Variants in ADAMTS2 observed in about 807,000 individuals in gnomAD.
ADAMTS2 encodes A disintegrin and metalloproteinase with thrombospondin motifs 2.
ADAMTS2 carries 50 observed loss-of-function variants against 123.0 expected under a neutral mutation model. The observed-to-expected ratio is 0.41, with a 90% CI of 0.32 to 0.51. The LOEUF is 0.51. Among genes scored for constraint, ADAMTS2 ranks in the 20% least tolerant of loss-of-function variants. ADAMTS2 has a pLI of 0.35. For synonymous variants in ADAMTS2, 678 were observed against 695.4 expected (o/e 0.98, Z 0.39); for missense variants, 1,494 against 1,705.2 (o/e 0.88, Z 2.18).
intron 2 of ADAMTS2, among the ~76,000 whole-genome samples, chr5:179,316,698 C>CT (rs1484952168): frequency 3.9e-5 from 6 of 152,208 alleles, no homozygotes; most frequent in Non-Finnish European, 7.3e-5. Context: ...AATTCCAGCA[C>CT]TTTGGGAGGC....
At chr5:179,146,200 A>T (rs991002217) in intron 10 of ADAMTS2, among the ~76,000 whole-genome samples, 14 of 152,238 alleles carry the variant, frequency 9.2e-5, no homozygotes, top group Admixed American at 3.3e-4. Context: ...CACCTTATTA[A>T]AGCTGTTAGG....
chr5:179,264,522 G>A (rs1278756393), intron 3 of ADAMTS2, among the ~76,000 whole-genome samples: 2 of 152,232 alleles, frequency 1.3e-5, no homozygotes, highest in Non-Finnish European at 2.9e-5. Flanking sequence ...ATGCCCCCGT[G>A]AGCAGATCAC....
intron 15 of ADAMTS2, among the ~76,000 whole-genome samples, chr5:179,131,899 C>T (rs1025099856): frequency 3.9e-5 from 6 of 152,212 alleles, no homozygotes; most frequent in South Asian, 2.1e-4. Context: ...CCTGCCTTCC[C>T]GAGGGCAGGG....
At chr5:179,220,104 G>A (rs1765093222) in intron 3 of ADAMTS2, among the ~76,000 whole-genome samples, 1 of 152,278 alleles carries the variant, frequency 6.6e-6, no homozygotes, top group South Asian at 2.1e-4. Flanking sequence ...AGCTGGCCTG[G>A]GTAATGTCAC....
intron 2 of ADAMTS2, among the ~76,000 whole-genome samples, chr5:179,297,257 C>T (rs148957173): frequency 1.2e-3 from 187 of 152,238 alleles, no homozygotes; most frequent in African/African-American, 4.2e-3. Flanking sequence ...ATGGATCTGA[C>T]GACTTACAAC....
chr5:179,116,904 G>A (rs1762668070), intron 21 of ADAMTS2, among the ~76,000 whole-genome samples: 1 of 152,122 alleles, frequency 6.6e-6, no homozygotes, highest in Admixed American at 6.5e-5. Context: ...CTGACACTGA[G>A]CCCAAGAACC....
intron 2 of ADAMTS2, among the ~76,000 whole-genome samples, chr5:179,334,354 C>G (rs141073112): frequency 8.7e-4 from 132 of 152,280 alleles, no homozygotes; most frequent in African/African-American, 2.9e-3. Flanking sequence ...ACACAAACAC[C>G]CCGGAATCGC....
intron 2 of ADAMTS2, among the ~76,000 whole-genome samples, chr5:179,329,244 G>T (rs28556579): frequency 0.98 from 148,926 of 151,438 alleles, 73,276 homozygotes; most frequent in Non-Finnish European, 1. Context: ...GGAGAATGGC[G>T]TGAACCCAGG....
rs1244706073 is a variant in ADAMTS2, at chr5:179,128,958, C to T, written c.2458-840G>A. ...GACACTCAACAGACTGCAGAAAGAA[C>T]CCCTGTTTGTGGGATGAGAGCAGAA... On this transcript the variant is annotated intron_variant, in intron 16 of 21. Coordinates refer to ENST00000251582, the MANE Select transcript of ADAMTS2 (RefSeq NM_014244.5). This position sits in a 1 kb window ranked among gnomAD's most constrained non-coding sequence, Gnocchi z 4.9. 6.6e-6 allele frequency among the ~76,000 whole-genome samples: 1 copy of T among 152,084 alleles called. No homozygotes were observed. Among genetic ancestry groups the T allele is most frequent in the Non-Finnish European group, 1.5e-5 (1 of 68,018 alleles).
intron 2 of ADAMTS2, among the ~76,000 whole-genome samples, chr5:179,294,068 C>T (rs1756264362): frequency 6.6e-6 from 1 of 152,004 alleles, no homozygotes; most frequent in African/African-American, 2.4e-5. Flanking sequence ...AGTTCCAGAC[C>T]AGCATAGTGA....
chr5:179,143,756 G>A (rs1482445468), intron 10 of ADAMTS2, among the ~76,000 whole-genome samples: 2 of 152,142 alleles, frequency 1.3e-5, no homozygotes, highest in African/African-American at 4.8e-5. Flanking sequence ...GTGTGTGTGT[G>A]ACAAGGAGCT....
chr5:179,255,949 T>C (rs1766040632), intron 3 of ADAMTS2, among the ~76,000 whole-genome samples: 1 of 152,070 alleles, frequency 6.6e-6, no homozygotes, highest in South Asian at 2.1e-4. Context: ...AACTGGCTGC[T>C]CCCCACTGGC....
chr5:179,195,720 G>T lies in ADAMTS2; in HGVS notation c.891+11793C>A, dbSNP rs184002569. On this transcript the variant is annotated intron_variant, in intron 4 of 21. Coordinates refer to ENST00000251582, the MANE Select transcript of ADAMTS2 (RefSeq NM_014244.5). ...CACTGCCCTCTTCTGAGCCTTGCGT[G>T]CAGCCTCGCACACACCACTGGCCCT... Among the ~76,000 whole-genome samples the T allele has an allele frequency of 2.2e-3, 334 of 152,328 alleles. 1 individual carries two copies. The highest frequency in any genetic ancestry group is 3.4e-3 in the Non-Finnish European group (229 of 68,038).
At chr5:179,138,222 C>A (rs1194814126) in intron 11 of ADAMTS2, among the ~76,000 whole-genome samples, 1 of 152,190 alleles carries the variant, frequency 6.6e-6, no homozygotes, top group Non-Finnish European at 1.5e-5. Context: ...CTGCTCACAG[C>A]CCTGGTGCCA....
At chr5:179,330,251 G>A (rs1391710633) in intron 2 of ADAMTS2, among the ~76,000 whole-genome samples, 1 of 152,182 alleles carries the variant, frequency 6.6e-6, no homozygotes, top group African/African-American at 2.4e-5. Flanking sequence ...GGAGCCAGGT[G>A]GGCACCTGCA....
chr5:179,224,322 C>G (rs560137070), intron 3 of ADAMTS2, among the ~76,000 whole-genome samples: 1 of 152,164 alleles, frequency 6.6e-6, no homozygotes, highest in South Asian at 2.1e-4. Flanking sequence ...AACACGCTGC[C>G]GGCCGCAGGC....
rs750197805 is a variant in ADAMTS2, at chr5:179,207,646, G to A, written c.758C>T (p.Ser253Leu). ...AGCATGCCTGCGTGCCCTCCGCCTC[G>A]AGCTGTTGGCGTGCTCCTCTAGGAC... is the stretch of plus-strand genomic sequence containing the variant. ...LGVLEEHANS[S>L]RRRARRHAAD... The change falls in exon 4 of 22, where the codon TCG becomes TTG. Residue 253 changes from serine (S) to leucine (L), a missense_variant. Physicochemically the swap from Ser to Leu is moderately radical, Grantham distance 145. Transcript: ENST00000251582. The A allele has an allele frequency of 7.4e-6, 12 of 1,613,678 alleles. No homozygotes were observed. The highest frequency in any genetic ancestry group is 3.3e-5 in the Admixed American group (2 of 60,026).
chr5:179,268,602 G>A (rs1766436588), intron 3 of ADAMTS2, among the ~76,000 whole-genome samples: 1 of 152,254 alleles, frequency 6.6e-6, no homozygotes, highest in Admixed American at 6.5e-5. Flanking sequence ...TGTGCACGTG[G>A]TCTTGGAGTC....
At chr5:179,271,923 C>T (rs911443161) in intron 3 of ADAMTS2, among the ~76,000 whole-genome samples, 2 of 152,180 alleles carry the variant, frequency 1.3e-5, no homozygotes, top group African/African-American at 2.4e-5. Context: ...TGGCCCAGCC[C>T]AGGCCCCTGG....
Sources: allele counts gnomAD v4.1 joint callset (sites outside exome capture counted in the v4.1 genomes callset), GRCh38; gene constraint gnomAD v4.1.1; non-coding constraint Gnocchi (gnomAD v3.1); transcripts MANE v1.5; gene names NCBI Gene and HGNC (gene_info 2026-07-23, HGNC 2026-07-21).